CD300C: variants seen among roughly 807,000 people sequenced by gnomAD.
CD300C encodes CD300c molecule.
A neutral mutation model predicts 18.4 loss-of-function variants in CD300C; 11 were observed. The ratio of observed to expected loss-of-function variants is 0.60; its 90% CI spans 0.38 to 0.99. The LOEUF (loss-of-function observed/expected upper bound fraction) is 0.99, where lower values mean the gene tolerates loss of function less well. Among genes scored for constraint, CD300C ranks in the 50% least tolerant of loss-of-function variants. The pLI, the probability that CD300C is intolerant of heterozygous loss-of-function variation, is 0.01. For missense variants in CD300C, 277 were observed against 287.4 expected (o/e 0.96, Z 0.26); for synonymous variants, 116 against 116.3 (o/e 1.00, Z 0.02).
Position 74,545,837 on chromosome 17 carries a change from T to C in CD300C, c.-55A>G. ...TGCAAGACCCCAGGAGGGGACAAAATGTAATCTCCTCCCAGCAGATCTGAG... is the reference window on the plus strand; with the variant it reads ...TGCAAGACCCCAGGAGGGGACAAAACGTAATCTCCTCCCAGCAGATCTGAG... On this transcript the variant is annotated 5_prime_UTR_variant, in exon 1 of 4. Transcript: ENST00000330793. The C allele has an allele frequency of 2.1e-6, 3 of 1,411,906 alleles. No homozygotes were observed. The South Asian group carries it at 3.6e-5, about 17-fold the overall frequency. The allele number at this position is 1,411,906 out of a possible 1,614,324, so 87.5% of individuals were successfully genotyped here.
chr17:74,542,932 G>T lies in CD300C; in HGVS notation c.456C>A (p.Pro152=), dbSNP rs1161108914. The change falls in exon 3 of 4, where the codon CCC becomes CCA. Residue 152 remains proline, a synonymous_variant. Coordinates refer to ENST00000330793, the MANE Select transcript of CD300C (RefSeq NM_006678.5). ...PQSSMGTSGP[P]TKLPVHTWPS... The stretch of plus-strand genomic sequence containing the variant: ...GCCAGGTGTGCACGGGCAGCTTCGT[G>T]GGAGGACCTGAGGTGCCCATGGAGC... The T allele has an allele frequency of 6.2e-7, 1 of 1,613,186 alleles. No individual in the cohort carries two copies. Among genetic ancestry groups the T allele is most frequent in the Admixed American group, 1.7e-5 (1 of 60,024 alleles).
intron 3 of CD300C, among the ~76,000 whole-genome samples, chr17:74,541,965 A>G (rs2044918693): frequency 6.6e-6 from 1 of 152,140 alleles, no homozygotes; most frequent in Non-Finnish European, 1.5e-5. Context: ...AGAGGACGTG[A>G]GGTCACGCCA....
intron 3 of CD300C, among the ~76,000 whole-genome samples, 154 bp from the exon 4 acceptor site, chr17:74,541,890 C>T (rs1346878846): frequency 1.3e-5 from 2 of 152,140 alleles, no homozygotes; most frequent in Non-Finnish European, 2.9e-5. Context: ...CATCACGGCC[C>T]CTAACCCTCA....
chr17:74,535,536 C>A, the CD300C span, among the ~76,000 whole-genome samples: 1 of 145,486 alleles, frequency 6.9e-6, no homozygotes, highest in African/African-American at 2.5e-5. Context: ...TTACACTTAA[C>A]AAATATATGA....
chr17:74,534,688 C>T, the CD300C span, among the ~76,000 whole-genome samples: 3 of 152,122 alleles, frequency 2.0e-5, no homozygotes, highest in Non-Finnish European at 4.4e-5. Context: ...GGTAACAGAT[C>T]GTCTTCTCTG....
chr17:74,534,765 G>T, the CD300C span, among the ~76,000 whole-genome samples: 1 of 152,142 alleles, frequency 6.6e-6, no homozygotes, highest in East Asian at 1.9e-4. Context: ...CACATTAATA[G>T]AATAAAGAAG....
chr17:74,544,505 C>A, intron 2 of CD300C, 104 bp downstream of exon 2: 1 of 1,311,968 alleles, frequency 7.6e-7, no homozygotes, highest in Non-Finnish European at 1.1e-6. Context: ...TCCTGACTCA[C>A]CAACCCCCAG....
At chr17:74,542,068 G>C (rs1908570921) in intron 3 of CD300C, among the ~76,000 whole-genome samples, 1 of 152,178 alleles carries the variant, frequency 6.6e-6, no homozygotes, top group Admixed American at 6.5e-5. Context: ...AATTCACAAA[G>C]GGTTATTTGT....
downstream of CD300C, among the ~76,000 whole-genome samples, chr17:74,539,951 A>G (rs909207185): frequency 1.3e-5 from 2 of 152,218 alleles, no homozygotes; most frequent in Non-Finnish European, 2.9e-5. Context: ...GGGCAAGTCA[A>G]CAAATTGCTT....
chr17:74,539,459 T>C (rs1406474098), downstream of CD300C, among the ~76,000 whole-genome samples: 1 of 152,158 alleles, frequency 6.6e-6, no homozygotes, highest in East Asian at 1.9e-4. Context: ...TCTCCCCTTC[T>C]GCTCTTACTC....
chr17:74,536,738 T>C (rs2143121217), downstream of CD300C, among the ~76,000 whole-genome samples: 2 of 152,298 alleles, frequency 1.3e-5, 1 homozygote, highest in South Asian at 4.1e-4. Context: ...CTGATAAGAT[T>C]CAAGCAGGAG....
chr17:74,534,660 C>G, the CD300C span, among the ~76,000 whole-genome samples: 5 of 152,222 alleles, frequency 3.3e-5, no homozygotes, highest in Non-Finnish European at 7.3e-5. Flanking sequence ...CTTTTATTCT[C>G]ACTTCTCTTT....
In CD300C at chr17:74,544,819, G is replaced by A. The variant is rs59461308; in HGVS notation, c.190C>T (p.Arg64Ter). 284 of 1,614,214 alleles carry A rather than the reference G, an allele frequency of 1.8e-4. 1 individual carries two copies. In the African/African-American group the frequency reaches 3.0e-3, roughly 17 times the overall value. The change falls in exon 2 of 4, where the codon CGA becomes TGA. Residue 64 changes from arginine to a stop codon, truncating the protein, a stop_gained. Coordinates refer to ENST00000330793, the MANE Select transcript of CD300C (RefSeq NM_006678.5). LOFTEE classifies it high-confidence loss of function. ...KFWCRPPQIL[R>*]CDKIVETKGS... ...TTGGTCTCCACAATCTTGTCACATC[G>A]GAGAATCTGTGGTGGTCTGCACCAG...
chr17:74,542,769 G>C lies in CD300C; in HGVS notation c.527+92C>G, dbSNP rs897245912. On this transcript the variant is annotated intron_variant, in intron 3 of 3. Transcript: ENST00000330793. ...TGGTGTGGGAGGTGCGAACAAAGAA[G>C]GGACTGGAAGAAGGGACATCCGAGT... The C allele has an allele frequency of 2.8e-6, 4 of 1,421,552 alleles. No individual in the cohort carries two copies. The African/African-American group carries it at 4.3e-5, about 15-fold the overall frequency. The allele number at this position is 1,421,552 out of a possible 1,614,324, so 88.1% of individuals were successfully genotyped here. A position where few individuals can be genotyped will look rare whatever the true frequency, so the allele number is the denominator to read the frequency against.
chr17:74,545,480 C>T (rs1246226006), intron 1 of CD300C, among the ~76,000 whole-genome samples: 1 of 152,116 alleles, frequency 6.6e-6, no homozygotes, highest in East Asian at 1.9e-4. Context: ...ATGACAGTCA[C>T]AGCATCACCT....
At position 74,544,721 on chromosome 17, in the gene CD300C, G is replaced by C. The variant is rs966418855; in HGVS notation, c.288C>G (p.Thr96=). The C allele has an allele frequency of 6.2e-7, 1 of 1,614,228 alleles. No homozygotes were observed. The change falls in exon 2 of 4, where the codon ACC becomes ACG. Residue 96 remains threonine (T), a synonymous_variant. Coordinates refer to ENST00000330793, the MANE Select transcript of CD300C (RefSeq NM_006678.5). ...CGTCCTCCTCTGTGAGATTCTCCAG[G>C]GTCACTGTGAAGCTGAGGTTTGCAG... ...DSPANLSFTV[T]LENLTEEDAG...
intron 1 of CD300C, 76 bp downstream of exon 1, chr17:74,545,646 A>C: frequency 3.4e-6 from 4 of 1,174,118 alleles, no homozygotes; most frequent in Non-Finnish European, 4.9e-6. Context: ...TATGACCGCT[A>C]CTCCAGCGCC....
chr17:74,545,017 C>A, intron 1 of CD300C, 70 bp from the exon 2 acceptor site: 5 of 1,383,516 alleles, frequency 3.6e-6, no homozygotes, highest in Non-Finnish European at 5.0e-6. Flanking sequence ...CAGTGTCAGC[C>A]CCTCATGGAC....
the CD300C span, among the ~76,000 whole-genome samples, chr17:74,535,530 A>G: frequency 1.3e-5 from 2 of 151,742 alleles, no homozygotes; most frequent in Admixed American, 6.6e-5. Context: ...CCAGAATTAC[A>G]CTTAACAAAT....
Sources: allele counts gnomAD v4.1 joint callset (sites outside exome capture counted in the v4.1 genomes callset), GRCh38; gene constraint gnomAD v4.1.1; transcripts MANE v1.5; gene names NCBI Gene and HGNC (gene_info 2026-07-23, HGNC 2026-07-21).